The following GBP2 variants were observed in gnomAD, a reference collection of about 807,000 sequenced individuals.
The protein encoded by GBP2 is guanylate-binding protein 2.
Under a neutral mutation model 60.8 loss-of-function variants are expected in GBP2, and 54 were observed. The observed-to-expected ratio is 0.89, with a 90% CI of 0.71 to 1.11. GBP2 has a LOEUF of 1.11. GBP2 is among the 50% of genes most tolerant of loss of function. The pLI, the probability that GBP2 is intolerant of heterozygous loss-of-function variation, is 0.00. For synonymous variants in GBP2, 243 were observed against 256.5 expected, an observed-to-expected ratio of 0.95 and a Z score of 0.50; for missense variants, 665 against 703.3, an observed-to-expected ratio of 0.95 and a Z score of 0.62.
intron 1 of GBP2, among the ~76,000 whole-genome samples, chr1:89,122,430 T>G (rs1258463740): frequency 1.3e-5 from 2 of 152,264 alleles, no homozygotes; most frequent in African/African-American, 4.8e-5. Context: ...TAGTTCCTTA[T>G]TCTTTCCTTG....
chr1:89,121,958 TGGA>T lies in GBP2; in HGVS notation c.6_8del (p.Pro3del). On this transcript the variant is annotated inframe_deletion, in exon 2 of 11. Transcript: ENST00000370466. ...TCATTGGGCCCGGCAAGTTGATCTC[TGGA>T]GCCATGTCCAGGGTGTTGTTCCCTT... 6.2e-7 allele frequency: 1 copy of T among 1,612,332 alleles called. No individual in the cohort carries two copies. Among genetic ancestry groups the T allele is most frequent in the Non-Finnish European group, 8.5e-7 (1 of 1,178,910 alleles).
At chr1:89,120,773 T>C (rs1381819477) in intron 3 of GBP2, among the ~76,000 whole-genome samples, 3 of 152,232 alleles carry the variant, frequency 2.0e-5, no homozygotes, top group Non-Finnish European at 4.4e-5. Context: ...CTGGTGTGGA[T>C]GTGAACATTT....
chr1:89,114,539 T>A (rs1195135352), intron 6 of GBP2, among the ~76,000 whole-genome samples: 1 of 152,176 alleles, frequency 6.6e-6, no homozygotes, highest in African/African-American at 2.4e-5. Flanking sequence ...AGATACTAGG[T>A]CAATGTGTTT....
chr1:89,118,078 T>G, intron 4 of GBP2: 1 of 198,660 alleles, frequency 5.0e-6, no homozygotes, highest in Non-Finnish European at 1.0e-5. Context: ...TTGATAACAA[T>G]TGTCTTGAAG....
chr1:89,113,734 G>A (rs1166762513), intron 7 of GBP2, among the ~76,000 whole-genome samples: 1 of 152,036 alleles, frequency 6.6e-6, no homozygotes, highest in Non-Finnish European at 1.5e-5. Context: ...TAATTTAAAA[G>A]GACAAAATAA....
intron 3 of GBP2, 151 bp downstream of exon 3, chr1:89,120,992 C>G (rs547233555): frequency 3.0e-6 from 1 of 329,896 alleles, no homozygotes; most frequent in Non-Finnish European, 5.1e-6. Flanking sequence ...TTATACCACA[C>G]AAATTTTAAG....
rs1447720781 is a variant in GBP2 at position 89,112,394 on chromosome 1, C to T, written c.1362+78G>A. On this transcript the variant is annotated intron_variant, in intron 8 of 10. Transcript: ENST00000370466. ...AGGCCCTAGGCACCAGTTGCAGTGCCATTTACCTTCTTCCCAGTGGGCTTT... is the reference window on the plus strand; with the variant it reads ...AGGCCCTAGGCACCAGTTGCAGTGCTATTTACCTTCTTCCCAGTGGGCTTT... The T allele has an allele frequency of 2.6e-5, 31 of 1,213,806 alleles. No individual in the cohort carries two copies. In the East Asian group the frequency reaches 7.0e-4, roughly 27 times the overall value. The allele number at this position is 1,213,806 out of a possible 1,614,324, so 75.2% of individuals were successfully genotyped here.
chr1:89,106,370 G>A lies in GBP2; in HGVS notation c.*1805C>T, dbSNP rs1681053197. The A allele has an allele frequency of 6.6e-6, 1 of 152,164 alleles. No homozygotes were observed. Among genetic ancestry groups the A allele is most frequent in the Admixed American group, 6.5e-5 (1 of 15,282 alleles). 9.4% of individuals were successfully genotyped at this position (152,164 alleles called of 1,614,324 possible). On this transcript the variant is annotated 3_prime_UTR_variant, in exon 11 of 11. Transcript: ENST00000370466. ...ATCTTAAATACAAATGAACTAATAT[G>A]TTAAATTGTGTTCCCAGGGTTGGGG... is the stretch of plus-strand genomic sequence containing the variant.
intron 8 of GBP2, among the ~76,000 whole-genome samples, chr1:89,110,586 C>CTAT (rs1213405532): frequency 6.6e-6 from 1 of 152,072 alleles, no homozygotes; most frequent in Non-Finnish European, 1.5e-5. Flanking sequence ...GAACTGCAGA[C>CTAT]TATTATTCTA....
intron 1 of GBP2, among the ~76,000 whole-genome samples, chr1:89,123,974 T>C (rs1681462163): frequency 6.6e-6 from 1 of 152,214 alleles, no homozygotes; most frequent in Non-Finnish European, 1.5e-5. Flanking sequence ...AGCATATACA[T>C]GTATATTTTC....
rs1424177929 is a variant in GBP2, at chr1:89,121,276, G to A, written c.191-6C>T. 3 of 1,594,872 alleles carry A rather than the reference G, an allele frequency of 1.9e-6. No homozygotes were observed. Among genetic ancestry groups the A allele is most frequent in the South Asian group, 2.3e-5 (2 of 87,748 alleles). On this transcript the variant is annotated splice_region_variant and splice_polypyrimidine_tract_variant and intron_variant, in intron 2 of 10. Transcript: ENST00000370466. ...TGTGGAGCCTAGAGAGAAGCCTGTAGAAGGAGAGGATAAAAGGGAAAAGAA... is the reference window on the plus strand; with the variant it reads ...TGTGGAGCCTAGAGAGAAGCCTGTAAAAGGAGAGGATAAAAGGGAAAAGAA...
intron 9 of GBP2, 92 bp from the exon 10 acceptor site, chr1:89,109,962 C>T (rs1056423419): frequency 1.6e-6 from 2 of 1,238,756 alleles, no homozygotes; most frequent in Admixed American, 2.6e-5. Flanking sequence ...CTTATCCTTA[C>T]ATCATTGAGA....
intron 8 of GBP2, 144 bp downstream of exon 8, chr1:89,112,328 C>G: frequency 1.5e-6 from 1 of 686,974 alleles, no homozygotes; most frequent in Admixed American, 2.5e-5. Flanking sequence ...ATGGTGGGCT[C>G]TCTTATTGAA....
intron 1 of GBP2, among the ~76,000 whole-genome samples, chr1:89,122,474 G>A (rs1036595522): frequency 1.3e-5 from 2 of 152,152 alleles, no homozygotes; most frequent in African/African-American, 4.8e-5. Context: ...GAAGTTGACT[G>A]GCTATGATTT....
Position 89,108,140 on chromosome 1 carries a change from G to C in GBP2, c.*35C>G. ...TCATTCATGTTGTTTCTTGGGGAGA[G>C]GGAGCTGGACAGGCAAATTTTGCTC... On this transcript the variant is annotated 3_prime_UTR_variant, in exon 11 of 11. Transcript: ENST00000370466. 1 of 1,143,884 alleles carries C rather than the reference G, an allele frequency of 8.7e-7. No homozygotes were observed. The highest frequency in any genetic ancestry group is 1.3e-6 in the Non-Finnish European group (1 of 764,488). The allele number at this position is 1,143,884 out of a possible 1,614,324, so 70.9% of individuals were successfully genotyped here.
intron 6 of GBP2, among the ~76,000 whole-genome samples, chr1:89,116,476 T>G (rs1389478825): frequency 6.6e-6 from 1 of 152,154 alleles, no homozygotes; most frequent in Non-Finnish European, 1.5e-5. Flanking sequence ...CTTTTTTTTT[T>G]TTTTACTTTT....
intron 1 of GBP2, 47 bp from the exon 2 acceptor site, chr1:89,122,030 T>TTAGC: frequency 7.0e-7 from 1 of 1,433,316 alleles, no homozygotes; most frequent in Non-Finnish European, 9.5e-7. Flanking sequence ...TTTTAGGTAG[T>TTAGC]TAGCTATGCT....
At position 89,114,115 on chromosome 1, in the gene GBP2, C is replaced by T. The variant is rs746143412; in HGVS notation, c.1050G>A (p.Glu350=). The part of the protein sequence containing the change: ...KVQLPTETLQ[E]LLDLHRDSER... Reference sequence around the variant, plus strand: ...CACTGTCCCTGTGCAGGTCCAGCAGCTCCTGGAGGGTTTCCGTGGGCAGCT... The same window carrying T: ...CACTGTCCCTGTGCAGGTCCAGCAGTTCCTGGAGGGTTTCCGTGGGCAGCT... The change falls in exon 7 of 11, where the codon GAG becomes GAA. Residue 350 remains glutamate (E), a synonymous_variant. Coordinates refer to ENST00000370466, the MANE Select transcript of GBP2 (RefSeq NM_004120.5). The T allele has an allele frequency of 9.9e-6, 16 of 1,614,110 alleles. No homozygotes were observed. The Admixed American group carries it at 1.2e-4, about 12-fold the overall frequency.
At chr1:89,124,833 C>A (rs147366930) in intron 1 of GBP2, among the ~76,000 whole-genome samples, 104 of 152,298 alleles carry the variant, frequency 6.8e-4, no homozygotes, top group African/African-American at 2.5e-3. Flanking sequence ...CAGATTTTAA[C>A]CTCTCTGTGT....
Sources: gnomAD v4.1 joint callset for allele counts (sites outside exome capture counted in the v4.1 genomes callset) on GRCh38, gnomAD v4.1.1 for gene constraint, MANE v1.5 for transcripts, NCBI Gene and HGNC (gene_info 2026-07-23, HGNC 2026-07-21) for gene names.